Variants in TJP1 observed in about 807,000 individuals in gnomAD.
TJP1 encodes the protein tight junction protein ZO-1.
Under a neutral mutation model 194.2 loss-of-function variants are expected in TJP1, and 43 were observed. The observed-to-expected ratio is 0.22, with a 90% confidence interval of 0.17 to 0.29. The LOEUF (loss-of-function observed/expected upper bound fraction) is 0.29. Ranked by LOEUF, TJP1 falls within the 10% of genes least tolerant of loss-of-function variation. TJP1 has a pLI of 1.00. For missense variants in TJP1, 1,971 were observed against 2,185.7 expected, an observed-to-expected ratio of 0.90 and a Z score of 1.96; for synonymous variants, 801 against 779.0, an observed-to-expected ratio of 1.03 and a Z score of -0.47.
intron 2 of TJP1, among the ~76,000 whole-genome samples, chr15:29,786,816 A>C (rs2047728387): frequency 6.6e-6 from 1 of 152,146 alleles, no homozygotes; most frequent in Non-Finnish European, 1.5e-5. Context: ...TAAAAACTGT[A>C]AATTAAACGT....
rs994026963 is a variant in TJP1, at chr15:29,760,087, C to T, written c.1010+1052G>A. On this transcript the variant is annotated intron_variant, in intron 8 of 27. Transcript: ENST00000614355. ...GTATCAATTACATTCTCATCAACAA[C>T]GTATAAGGGTTCCCTTTTCTTCTAA... 1.0e-4 allele frequency: 58 copies of T among 582,438 alleles called. 1 individual carries two copies. In the East Asian group the frequency reaches 1.5e-3, roughly 15 times the overall value. The allele number at this position is 582,438 out of a possible 1,614,324, so 36.1% of individuals were successfully genotyped here.
intron 2 of TJP1, among the ~76,000 whole-genome samples, chr15:29,791,727 A>G (rs1460601888): frequency 6.6e-6 from 1 of 152,088 alleles, no homozygotes; most frequent in East Asian, 1.9e-4. Context: ...GTACTGGTTT[A>G]CATTCCTATC....
chr15:29,772,699 T>C (rs889224296), intron 3 of TJP1, among the ~76,000 whole-genome samples: 3 of 152,218 alleles, frequency 2.0e-5, no homozygotes, highest in Admixed American at 1.3e-4. Flanking sequence ...TTTTTCACTA[T>C]TTTTACAGTT....
intron 5 of TJP1, 69 bp downstream of exon 5, chr15:29,766,197 C>T (rs969439727): frequency 6.5e-7 from 1 of 1,547,660 alleles, no homozygotes; most frequent in African/African-American, 1.4e-5. Flanking sequence ...GAGACAGCAA[C>T]TGTACTTCTC....
At chr15:29,878,491 C>T (rs1223765688) in intron 2 of TJP1, among the ~76,000 whole-genome samples, 2 of 152,096 alleles carry the variant, frequency 1.3e-5, no homozygotes, top group African/African-American at 2.4e-5. Context: ...CAAATAAATA[C>T]CTCATTTTTA....
intron 2 of TJP1, among the ~76,000 whole-genome samples, chr15:29,883,532 C>T (rs1158050695): frequency 1.3e-5 from 2 of 152,062 alleles, no homozygotes; most frequent in Non-Finnish European, 1.5e-5. Flanking sequence ...CATTTCCCTA[C>T]CTCCTTCCAC....
At position 29,840,458 on chromosome 15, in the gene TJP1, G is replaced by T. The variant is rs534389048; in HGVS notation, c.307-39756C>A. 3.9e-5 allele frequency among the ~76,000 whole-genome samples: 6 copies of T among 152,320 alleles called. No homozygotes were observed. In the South Asian group the frequency reaches 1.0e-3, roughly 26 times the overall value. On this transcript the variant is annotated intron_variant, in intron 2 of 28. Coordinates refer to the TJP1 transcript ENST00000356107. ...TGGGCAAGAGGGAAGAAATGTAGGT[G>T]AGGATAGACGAAGGGGCGATAAGAA...
chr15:29,725,767 T>A (rs1766744266), intron 18 of TJP1, among the ~76,000 whole-genome samples: 1 of 152,246 alleles, frequency 6.6e-6, no homozygotes, highest in African/African-American at 2.4e-5. Context: ...TCTATTGCTT[T>A]GTTCAATATC....
At chr15:29,922,644 A>C (rs1252922979) in intron 2 of TJP1, among the ~76,000 whole-genome samples, 5 of 152,190 alleles carry the variant, frequency 3.3e-5, no homozygotes, top group African/African-American at 1.2e-4. Context: ...TGAGAAGAAT[A>C]AATATTTTGA....
Position 29,938,855 on chromosome 15 carries a change from A to T in TJP1, c.306+17377T>A, listed in dbSNP as rs529151162. Reference sequence around the variant, plus strand: ...TTTAACCACAAGAGACCCAAACAGGACTTGGCAACGCTTCCTAACTGCACA... The same window carrying T: ...TTTAACCACAAGAGACCCAAACAGGTCTTGGCAACGCTTCCTAACTGCACA... On this transcript the variant is annotated intron_variant, in intron 2 of 28. Transcript: ENST00000356107. Among the ~76,000 whole-genome samples the T allele has an allele frequency of 1.1e-4, 16 of 152,372 alleles. No homozygotes were observed. The South Asian group carries it at 2.9e-3, about 28-fold the overall frequency.
At chr15:29,955,635 CA>C (rs1392969897) in intron 2 of TJP1, among the ~76,000 whole-genome samples, 20 of 151,508 alleles carry the variant, frequency 1.3e-4, no homozygotes, top group Non-Finnish European at 2.6e-4. Context: ...CCTATAGTCC[CA>C]ACTACTTGGG....
intron 2 of TJP1, among the ~76,000 whole-genome samples, chr15:29,833,330 T>C (rs1269162313): frequency 6.6e-6 from 1 of 152,194 alleles, no homozygotes; most frequent in Non-Finnish European, 1.5e-5. Context: ...AGCAAAATAC[T>C]ATACTTGTAA....
chr15:29,833,297 G>A (rs1265060479), intron 2 of TJP1, among the ~76,000 whole-genome samples: 1 of 152,192 alleles, frequency 6.6e-6, no homozygotes, highest in Non-Finnish European at 1.5e-5. Context: ...TATAAGGATT[G>A]TGTAGTTAAT....
chr15:29,825,114 A>G (rs2050638156), upstream of TJP1, among the ~76,000 whole-genome samples: 1 of 152,234 alleles, frequency 6.6e-6, no homozygotes, highest in Non-Finnish European at 1.5e-5. Context: ...GCCAACAATT[A>G]AAAACAAAGC....
intron 1 of TJP1, among the ~76,000 whole-genome samples, chr15:29,803,832 G>C (rs1476881761): frequency 6.6e-6 from 1 of 151,766 alleles, no homozygotes; most frequent in East Asian, 1.9e-4. Flanking sequence ...TTTCTTTGGA[G>C]GACTGGAAAA....
chr15:29,744,629 G>A (rs2044645445), intron 8 of TJP1, among the ~76,000 whole-genome samples: 1 of 151,684 alleles, frequency 6.6e-6, no homozygotes, highest in South Asian at 2.1e-4. Context: ...CCCAACCTCG[G>A]AAAAACAAAA....
At chr15:29,955,971 T>A (rs961433297) in intron 2 of TJP1, among the ~76,000 whole-genome samples, 1 of 152,040 alleles carries the variant, frequency 6.6e-6, no homozygotes, top group Non-Finnish European at 1.5e-5. Flanking sequence ...CGAACTTAAA[T>A]CAATTTTTCT....
At chr15:29,803,828 T>C (rs1198466103) in intron 1 of TJP1, among the ~76,000 whole-genome samples, 2 of 152,096 alleles carry the variant, frequency 1.3e-5, no homozygotes, top group African/African-American at 4.8e-5. Context: ...AGTTTTTCTT[T>C]GGAGGACTGG....
At chr15:29,745,519 A>G (rs1279150971) in intron 8 of TJP1, among the ~76,000 whole-genome samples, 1 of 152,214 alleles carries the variant, frequency 6.6e-6, no homozygotes, top group Non-Finnish European at 1.5e-5. Context: ...GAAGCCATAA[A>G]GGCAAGATAA....
Sources: gnomAD v4.1 joint callset for allele counts (sites outside exome capture counted in the v4.1 genomes callset) on GRCh38, gnomAD v4.1.1 for gene constraint, MANE v1.5 for transcripts, NCBI Gene and HGNC (gene_info 2026-07-23, HGNC 2026-07-21) for gene names.